Variants in HPSE2 observed in about 807,000 individuals in gnomAD.
The protein encoded by HPSE2 is heparanase 2 (inactive), also known as inactive heparanase-2.
A neutral mutation model predicts 60.5 loss-of-function variants in HPSE2; 38 were observed. The ratio of observed to expected loss-of-function variants is 0.63; its 90% CI spans 0.48 to 0.82. The LOEUF is 0.82. Among genes scored for constraint, HPSE2 ranks in the 40% least tolerant of loss-of-function variants. HPSE2 has a pLI of 0.00. For synonymous variants in HPSE2, 295 were observed against 293.2 expected, an observed-to-expected ratio of 1.01 and a Z score of -0.06; for missense variants, 713 against 740.4, an observed-to-expected ratio of 0.96 and a Z score of 0.43.
Position 98,879,852 on chromosome 10 carries a change from C to T in HPSE2, c.611-135796G>A, listed in dbSNP as rs201205307. Among the ~76,000 whole-genome samples, 137 of 145,782 alleles carry T rather than the reference C, an allele frequency of 9.4e-4. 1 individual carries two copies. Among genetic ancestry groups the T allele is most frequent in the African/African-American group, 2.8e-3 (111 of 39,590 alleles). On this transcript the variant is annotated intron_variant, in intron 3 of 11. Transcript: ENST00000370552. The stretch of plus-strand genomic sequence containing the variant: ...GGAAACAACAGTTGGTGTGCATGTG[C>T]GTGTGTGTGTGTGTGTGTGTGTGTG...
At chr10:98,846,225 G>A (rs1952031240) in intron 3 of HPSE2, among the ~76,000 whole-genome samples, 1 of 152,176 alleles carries the variant, frequency 6.6e-6, no homozygotes, top group Non-Finnish European at 1.5e-5. Flanking sequence ...AAAGATAGAA[G>A]TCAAAATTGA....
chr10:98,820,805 C>T (rs1312471980), intron 3 of HPSE2, among the ~76,000 whole-genome samples: 1 of 152,228 alleles, frequency 6.6e-6, no homozygotes, highest in Non-Finnish European at 1.5e-5. Flanking sequence ...CTTTAATTAA[C>T]TCTACAGAAG....
chr10:99,272,753 TA>T, the HPSE2 span, among the ~76,000 whole-genome samples: 240 of 150,986 alleles, frequency 1.6e-3, no homozygotes, highest in South Asian at 6.9e-3. Flanking sequence ...GTGGGCATAA[TA>T]AAAAAAAATA....
chr10:98,643,367 A>G (rs1290548672), intron 6 of HPSE2, among the ~76,000 whole-genome samples: 1 of 152,180 alleles, frequency 6.6e-6, no homozygotes, highest in East Asian at 1.9e-4. Context: ...CCTAATTGTC[A>G]CCTCACAAAG....
At chr10:98,514,989 G>C (rs777202567) in intron 9 of HPSE2, among the ~76,000 whole-genome samples, 1 of 152,138 alleles carries the variant, frequency 6.6e-6, no homozygotes, top group Admixed American at 6.5e-5. Context: ...CTCCCAAAGT[G>C]CTGGGATTAC....
At chr10:99,092,347 G>T (rs1456237478) in intron 3 of HPSE2, among the ~76,000 whole-genome samples, 5 of 152,138 alleles carry the variant, frequency 3.3e-5, no homozygotes, top group Admixed American at 3.3e-4. Context: ...ATTGTCATTA[G>T]CATTAATAAT....
chr10:98,528,617 C>T (rs1164972288), intron 9 of HPSE2, among the ~76,000 whole-genome samples: 1 of 152,076 alleles, frequency 6.6e-6, no homozygotes, highest in Non-Finnish European at 1.5e-5. Flanking sequence ...TAACCTTTGA[C>T]TGGTAAATGA....
intron 3 of HPSE2, among the ~76,000 whole-genome samples, chr10:98,747,190 A>G (rs1276015540): frequency 6.6e-6 from 1 of 152,162 alleles, no homozygotes; most frequent in Non-Finnish European, 1.5e-5. Context: ...TCAATTAAAT[A>G]ACATTTTATT....
At chr10:98,955,440 T>A (rs2135210083) in intron 3 of HPSE2, among the ~76,000 whole-genome samples, 3 of 152,262 alleles carry the variant, frequency 2.0e-5, no homozygotes, top group Admixed American at 2.0e-4. Flanking sequence ...ATGGTGATTA[T>A]TAGAAAGTTA....
At chr10:99,268,934 T>C in the HPSE2 span, among the ~76,000 whole-genome samples, 5 of 151,722 alleles carry the variant, frequency 3.3e-5, no homozygotes, top group Non-Finnish European at 4.4e-5. Context: ...GGCGGGTGGA[T>C]CACCTGAGGT....
chr10:98,933,603 T>C (rs2135118323), intron 3 of HPSE2, among the ~76,000 whole-genome samples: 1 of 143,944 alleles, frequency 6.9e-6, no homozygotes, highest in African/African-American at 2.8e-5. Context: ...TCTTAATAGG[T>C]CTCTAAGAAC....
intron 9 of HPSE2, among the ~76,000 whole-genome samples, chr10:98,601,584 T>G (rs1945427950): frequency 6.6e-6 from 1 of 152,200 alleles, no homozygotes; most frequent in South Asian, 2.1e-4. Context: ...AAAAGTAGTT[T>G]CTGCAGCTAC....
At chr10:98,749,419 CAT>C (rs1284337489) in intron 3 of HPSE2, among the ~76,000 whole-genome samples, 1 of 150,866 alleles carries the variant, frequency 6.6e-6, no homozygotes, top group South Asian at 2.1e-4. Context: ...CATATACATG[CAT>C]ATATATATCT....
At chr10:99,087,812 A>G (rs1357454367) in intron 3 of HPSE2, among the ~76,000 whole-genome samples, 1 of 152,152 alleles carries the variant, frequency 6.6e-6, no homozygotes, top group Non-Finnish European at 1.5e-5. Flanking sequence ...GTTTTATTTC[A>G]CGGTCTAAAT....
chr10:98,530,740 G>A (rs183422142), intron 9 of HPSE2, among the ~76,000 whole-genome samples: 33 of 152,276 alleles, frequency 2.2e-4, no homozygotes. Flanking sequence ...CAGGTAACCT[G>A]TAGCAGGGCT....
At chr10:98,820,055 C>G (rs1951389012) in intron 3 of HPSE2, among the ~76,000 whole-genome samples, 1 of 152,024 alleles carries the variant, frequency 6.6e-6, no homozygotes, top group African/African-American at 2.4e-5. Flanking sequence ...TTAAAAAAAG[C>G]ATTCATGTGG....
intron 9 of HPSE2, among the ~76,000 whole-genome samples, chr10:98,611,162 G>A (rs1945747972): frequency 2.0e-5 from 3 of 152,240 alleles, no homozygotes; most frequent in Admixed American, 2.0e-4. Context: ...CTCCTCCCAG[G>A]AGAAGGAAAA....
intron 3 of HPSE2, among the ~76,000 whole-genome samples, chr10:98,933,785 G>A (rs1954710186): frequency 7.1e-6 from 1 of 140,136 alleles, no homozygotes; most frequent in Non-Finnish European, 1.5e-5. Flanking sequence ...AGGCTGGAGT[G>A]CAACAGTGTG....
At chr10:99,235,994 TTTTTC>T, upstream of HPSE2, 2 of 493,086 alleles carry the variant, frequency 4.1e-6, no homozygotes, top group African/African-American at 2.3e-5. Flanking sequence ...TCGTTTTGTT[TTTTTC>T]TTTTTTTTTT....
Sources: allele counts gnomAD v4.1 joint callset (sites outside exome capture counted in the v4.1 genomes callset), GRCh38; gene constraint gnomAD v4.1.1; transcripts MANE v1.5; gene names NCBI Gene and HGNC (gene_info 2026-07-23, HGNC 2026-07-21).